NALF1: variants seen among roughly 807,000 people sequenced by gnomAD.
The protein encoded by NALF1 is NALCN channel auxiliary factor 1.
In NALF1, 3 loss-of-function variants were observed where a neutral mutation model predicts 48.4. That is an observed-to-expected ratio of 0.06 (90% confidence interval 0.03 to 0.16). The LOEUF (loss-of-function observed/expected upper bound fraction) is 0.16. Among genes scored for constraint, NALF1 ranks in the 10% least tolerant of loss-of-function variants. NALF1 has a pLI of 1.00. For missense variants in NALF1, 526 were observed against 571.5 expected, an observed-to-expected ratio of 0.92 and a Z score of 0.81; for synonymous variants, 262 against 245.7, an observed-to-expected ratio of 1.07 and a Z score of -0.62.
At chr13:107,750,478 A>G (rs548408899) in intron 1 of NALF1, among the ~76,000 whole-genome samples, 1 of 152,328 alleles carries the variant, frequency 6.6e-6, no homozygotes, top group Non-Finnish European at 1.5e-5. Context: ...TGTGTTTTGG[A>G]ATGAAAGTGA....
chr13:107,683,153 T>G (rs1454877593), intron 1 of NALF1, among the ~76,000 whole-genome samples: 1 of 151,746 alleles, frequency 6.6e-6, no homozygotes, highest in African/African-American at 2.4e-5. Context: ...GTCCTAGCAG[T>G]GGGAGGATTG....
chr13:107,351,611 A>G (rs1882876658), intron 1 of NALF1, among the ~76,000 whole-genome samples: 1 of 152,212 alleles, frequency 6.6e-6, no homozygotes, highest in South Asian at 2.1e-4. Flanking sequence ...TAAGCAGCTT[A>G]TGCAAATCTC....
intron 1 of NALF1, among the ~76,000 whole-genome samples, chr13:107,549,914 G>C (rs1877243289): frequency 6.6e-6 from 1 of 150,708 alleles, no homozygotes; most frequent in Non-Finnish European, 1.5e-5. Context: ...CAACTATTCT[G>C]TTCATTTGGT....
At chr13:107,750,289 C>T (rs149763650) in intron 1 of NALF1, among the ~76,000 whole-genome samples, 13 of 152,166 alleles carry the variant, frequency 8.5e-5, no homozygotes, top group African/African-American at 3.1e-4. Flanking sequence ...ACACGGAATA[C>T]GGTCTTCAAG....
intron 1 of NALF1, among the ~76,000 whole-genome samples, chr13:107,569,242 G>C (rs1242356902): frequency 6.6e-6 from 1 of 152,030 alleles, no homozygotes; most frequent in Non-Finnish European, 1.5e-5. Context: ...GGCCGAGGCG[G>C]GTGGATCACG....
intron 1 of NALF1, among the ~76,000 whole-genome samples, chr13:107,258,410 C>T (rs1044212762): frequency 2.6e-5 from 4 of 152,182 alleles, no homozygotes; most frequent in Non-Finnish European, 5.9e-5. Context: ...ACAACGTTTA[C>T]ATTGCCATAT....
chr13:107,448,316 T>C (rs1287687292), intron 1 of NALF1, among the ~76,000 whole-genome samples: 1 of 152,132 alleles, frequency 6.6e-6, no homozygotes, highest in Non-Finnish European at 1.5e-5. Flanking sequence ...ATTAAAGAGA[T>C]AATTTGAATT....
intron 2 of NALF1, among the ~76,000 whole-genome samples, chr13:107,202,253 C>CTAAGA (rs1332607487): frequency 2.0e-5 from 3 of 151,406 alleles, no homozygotes; most frequent in African/African-American, 7.3e-5. Flanking sequence ...GTTTTTAAAC[C>CTAAGA]TAAGGTATTT....
chr13:107,608,532 G>C (rs1879134757), intron 1 of NALF1, among the ~76,000 whole-genome samples: 1 of 152,120 alleles, frequency 6.6e-6, no homozygotes, highest in Non-Finnish European at 1.5e-5. Context: ...GTTACTTAAA[G>C]GGGAGTTTTG....
intron 1 of NALF1, among the ~76,000 whole-genome samples, chr13:107,225,829 G>GCA (rs148045779): frequency 2.0e-5 from 3 of 151,530 alleles, no homozygotes; most frequent in Non-Finnish European, 4.4e-5. Context: ...ACACACGCAC[G>GCA]CACACACACA....
chr13:107,462,912 A>C (rs1485279102), intron 1 of NALF1, among the ~76,000 whole-genome samples: 1 of 152,208 alleles, frequency 6.6e-6, no homozygotes, highest in Non-Finnish European at 1.5e-5. Context: ...TGTAAACCAC[A>C]ATCATCAGCA....
intron 1 of NALF1, among the ~76,000 whole-genome samples, chr13:107,490,923 C>A (rs1344677448): frequency 1.3e-5 from 2 of 152,306 alleles, no homozygotes; most frequent in South Asian, 4.1e-4. Context: ...AACAAGGACA[C>A]CTGTGCCCCT....
At chr13:107,507,098 G>GA (rs1875720279) in intron 1 of NALF1, among the ~76,000 whole-genome samples, 1 of 152,012 alleles carries the variant, frequency 6.6e-6, no homozygotes, top group Admixed American at 6.6e-5. Flanking sequence ...CGAAACTTGT[G>GA]AAAAACACAA....
intron 1 of NALF1, among the ~76,000 whole-genome samples, chr13:107,815,757 T>A (rs534765825): frequency 6.6e-6 from 1 of 152,160 alleles, no homozygotes; most frequent in African/African-American, 2.4e-5. Flanking sequence ...AACTGGTGAA[T>A]GGATAAAAAA....
At chr13:107,368,943 C>T (rs1380008086) in intron 1 of NALF1, among the ~76,000 whole-genome samples, 1 of 152,208 alleles carries the variant, frequency 6.6e-6, no homozygotes, top group African/African-American at 2.4e-5. Context: ...ATTAACTCAC[C>T]ATTATCAAAT....
At chr13:107,752,704 C>A (rs1876973701) in intron 1 of NALF1, among the ~76,000 whole-genome samples, 1 of 152,102 alleles carries the variant, frequency 6.6e-6, no homozygotes, top group Admixed American at 6.6e-5. Context: ...TCCAAAGAGA[C>A]TACAGACTCT....
intron 1 of NALF1, among the ~76,000 whole-genome samples, chr13:107,484,984 T>C (rs2476780): frequency 0.69 from 104,436 of 152,022 alleles, 36,747 homozygotes; most frequent in Middle Eastern, 0.82. Flanking sequence ...CAGTGGAACA[T>C]AATGGGATAT....
At chr13:107,580,584 G>T in intron 1 of NALF1, among the ~76,000 whole-genome samples, 1 of 151,852 alleles carries the variant, frequency 6.6e-6, no homozygotes, top group African/African-American at 2.4e-5. Flanking sequence ...TATTATTTTC[G>T]GTATGTCAGA....
At chr13:107,390,647 G>A (rs1883610185) in intron 1 of NALF1, among the ~76,000 whole-genome samples, 2 of 151,938 alleles carry the variant, frequency 1.3e-5, no homozygotes, top group Admixed American at 6.6e-5. Context: ...TTTTACTTGA[G>A]GCAAAGTTGA....
Sources: allele counts gnomAD v4.1 joint callset (sites outside exome capture counted in the v4.1 genomes callset), GRCh38; gene constraint gnomAD v4.1.1; transcripts MANE v1.5; gene names NCBI Gene and HGNC (gene_info 2026-07-23, HGNC 2026-07-21).